Variants in RIC8B observed in about 807,000 individuals in gnomAD.
RIC8B encodes RIC8 guanine nucleotide exchange factor B.
A neutral mutation model predicts 57.5 loss-of-function variants in RIC8B; 16 were observed. The observed-to-expected ratio is 0.28, with a 90% CI of 0.19 to 0.42. RIC8B has a LOEUF of 0.42. Ranked by LOEUF, RIC8B falls within the 10% of genes least tolerant of loss-of-function variation. The pLI is 1.00. For missense variants in RIC8B, 481 were observed against 677.0 expected, an observed-to-expected ratio of 0.71 and a Z score of 3.21; for synonymous variants, 216 against 250.8, an observed-to-expected ratio of 0.86 and a Z score of 1.31.
At chr12:106,831,787 G>A (rs927534860) in intron 4 of RIC8B, among the ~76,000 whole-genome samples, 6 of 152,138 alleles carry the variant, frequency 3.9e-5, no homozygotes, top group Admixed American at 1.3e-4. Context: ...CTCTGGTTGC[G>A]TTGTATTGGA....
At chr12:106,812,207 A>G (rs1279303997) in intron 2 of RIC8B, among the ~76,000 whole-genome samples, 1 of 152,186 alleles carries the variant, frequency 6.6e-6, no homozygotes, top group African/African-American at 2.4e-5. Context: ...CTATGATTAA[A>G]AACTGTGCAA....
intron 3 of RIC8B, among the ~76,000 whole-genome samples, chr12:106,818,974 C>T (rs1020880134): frequency 1.3e-5 from 2 of 152,152 alleles, no homozygotes; most frequent in African/African-American, 4.8e-5. Flanking sequence ...CCATGTTGGT[C>T]AGGCTGGTCT....
chr12:106,815,016 C>G lies in RIC8B; in HGVS notation c.453C>G (p.Cys151Trp). The G allele has an allele frequency of 1.9e-6, 3 of 1,614,196 alleles. No homozygotes were observed. Among genetic ancestry groups the G allele is most frequent in the Non-Finnish European group, 2.5e-6 (3 of 1,180,024 alleles). Residue 151 changes from cysteine to tryptophan, a missense_variant, in exon 3 of 10, where the codon TGC becomes TGG. Physicochemically the swap from Cys to Trp is radical, Grantham distance 215. Around this residue, in one of 3 missense-constraint regions of RIC8B, gnomAD observed 421 missense variants for 560.9 expected, o/e 0.75. Transcript: ENST00000392837. ...AAKLCNLLRK[C>W]KDRKFINDIK... ...AGCTCTGTAACCTCCTGAGAAAGTG[C>G]AAGGACCGGAAATTTATCAATGACA...
At chr12:106,856,098 C>G in intron 7 of RIC8B, among the ~76,000 whole-genome samples, 1 of 152,242 alleles carries the variant, frequency 6.6e-6, no homozygotes, top group South Asian at 2.1e-4. Flanking sequence ...GATTTTACCT[C>G]CTGTTAAATA....
chr12:106,775,102 G>A (rs192529834), intron 1 of RIC8B, among the ~76,000 whole-genome samples: 11 of 152,266 alleles, frequency 7.2e-5, no homozygotes, highest in African/African-American at 2.6e-4. Flanking sequence ...TCACACCCCC[G>A]GAATCCGTAG....
intron 8 of RIC8B, among the ~76,000 whole-genome samples, chr12:106,865,701 T>C (rs1475176780): frequency 2.0e-5 from 3 of 152,186 alleles, no homozygotes; most frequent in Non-Finnish European, 1.5e-5. Context: ...GTCTTGTTGC[T>C]TCTACCTTTG....
rs758690591 is a variant in RIC8B, at chr12:106,803,214, T to TAAAAAAAA, written c.133-11482_133-11481insAAAAAAAA. On this transcript the variant is annotated intron_variant, in intron 2 of 9. Coordinates refer to ENST00000392837, the MANE Select transcript of RIC8B (RefSeq NM_001330145.2). The stretch of plus-strand genomic sequence containing the variant: ...GTGACAAGAGTGATGATACCCTGTC[T>TAAAAAAAA]CAAAAAAAAAAAAAAAAAAAAAAAG... Among the ~76,000 whole-genome samples the TAAAAAAAA allele has an allele frequency of 4.3e-3, 365 of 84,194 alleles. 30 individuals are homozygous for TAAAAAAAA. Among genetic ancestry groups the TAAAAAAAA allele is most frequent in the South Asian group, 0.011 (24 of 2,232 alleles). The allele number at this position is 84,194 out of a possible 152,430, so 55.2% of individuals were successfully genotyped here.
chr12:106,815,447 A>G (rs914542875), intron 3 of RIC8B, 143 bp downstream of exon 3: 3 of 795,974 alleles, frequency 3.8e-6, no homozygotes, highest in Non-Finnish European at 5.9e-6. Context: ...TACCCAGGAT[A>G]TACTTCTTAA....
intron 4 of RIC8B, among the ~76,000 whole-genome samples, chr12:106,835,904 C>T (rs1170857674): frequency 6.6e-6 from 1 of 152,154 alleles, no homozygotes; most frequent in East Asian, 1.9e-4. Flanking sequence ...TGAAGCTTCC[C>T]CACCTGTTGC....
At chr12:106,803,088 T>C (rs1445335541) in intron 2 of RIC8B, among the ~76,000 whole-genome samples, 1 of 151,768 alleles carries the variant, frequency 6.6e-6, no homozygotes, top group Non-Finnish European at 1.5e-5. Context: ...TAATTGGACC[T>C]CTATTCCTAG....
chr12:106,859,683 G>A (rs746970347), intron 7 of RIC8B, among the ~76,000 whole-genome samples: 1 of 152,104 alleles, frequency 6.6e-6, no homozygotes, highest in Non-Finnish European at 1.5e-5. Flanking sequence ...AATCCAGCCA[G>A]TCTAACTCCT....
intron 3 of RIC8B, chr12:106,822,914 T>C (rs991082389): frequency 1.3e-5 from 2 of 153,358 alleles, no homozygotes; most frequent in Non-Finnish European, 2.9e-5. Context: ...TACTAACCTG[T>C]GACATTAACA....
rs532496067 is a variant in RIC8B, at chr12:106,788,432, C to T, written c.132+4388C>T. Among the ~76,000 whole-genome samples, 7 of 152,302 alleles carry T rather than the reference C, an allele frequency of 4.6e-5. No homozygotes were observed. The South Asian group carries it at 6.2e-4, about 14-fold the overall frequency. The stretch of plus-strand genomic sequence containing the variant: ...CTAGGCGGTGCCCCAGTAGGGACTC[C>T]GTGTGGGGGCTCTGAAGCCACATTT... On this transcript the variant is annotated intron_variant, in intron 2 of 9. Coordinates refer to ENST00000392837, the MANE Select transcript of RIC8B (RefSeq NM_001330145.2).
At chr12:106,842,546 T>G in intron 4 of RIC8B, 43 bp from the exon 5 acceptor site, 1 of 1,459,116 alleles carries the variant, frequency 6.9e-7, no homozygotes, top group East Asian at 2.3e-5. Flanking sequence ...TAAAGGACTA[T>G]TCAATCAAGT....
intron 6 of RIC8B, among the ~76,000 whole-genome samples, chr12:106,849,697 T>C (rs1471944396): frequency 6.6e-6 from 1 of 152,160 alleles, no homozygotes; most frequent in Admixed American, 6.5e-5. Flanking sequence ...TGCTCTGTAA[T>C]CAGTCTGTAA....
chr12:106,824,011 G>A lies in RIC8B; in HGVS notation c.742-1715G>A, dbSNP rs376826015. On this transcript the variant is annotated intron_variant, in intron 3 of 9. Coordinates refer to ENST00000392837, the MANE Select transcript of RIC8B (RefSeq NM_001330145.2). ...CGTATGAGAGAATTTTTATTCAGGC[G>A]TTTGAGATGGATAGTGAATGGGACA... 3.3e-5 allele frequency among the ~76,000 whole-genome samples: 5 copies of A among 152,166 alleles called. No homozygotes were observed. The East Asian group carries it at 9.6e-4, about 29-fold the overall frequency.
At chr12:106,857,390 T>C (rs1949754313) in intron 7 of RIC8B, among the ~76,000 whole-genome samples, 1 of 152,190 alleles carries the variant, frequency 6.6e-6, no homozygotes, top group Non-Finnish European at 1.5e-5. Context: ...GTATTGCTTT[T>C]ATTTTAGAGT....
At position 106,813,487 on chromosome 12, in the gene RIC8B, G is replaced by A. The variant is rs150589103; in HGVS notation, c.133-1209G>A. Among the ~76,000 whole-genome samples, 983 of 152,220 alleles carry A rather than the reference G, an allele frequency of 6.5e-3. 5 individuals are homozygous for A. Among genetic ancestry groups the A allele is most frequent in the African/African-American group, 0.023 (948 of 41,526 alleles). On this transcript the variant is annotated intron_variant, in intron 2 of 9. Transcript: ENST00000392837. ...TTACAGGCGTGAGCCACTGCGTCCA[G>A]CCTTCTATACCATTTTATATAAGAG...
At chr12:106,798,980 T>A (rs1039419849) in intron 2 of RIC8B, among the ~76,000 whole-genome samples, 1 of 152,256 alleles carries the variant, frequency 6.6e-6, no homozygotes, top group African/African-American at 2.4e-5. Flanking sequence ...TAACTCAAAA[T>A]AGACATCTTG....
Sources: allele counts gnomAD v4.1 joint callset (sites outside exome capture counted in the v4.1 genomes callset), GRCh38; gene constraint gnomAD v4.1.1; regional missense constraint gnomAD v4.1.1; transcripts MANE v1.5; gene names NCBI Gene and HGNC (gene_info 2026-07-23, HGNC 2026-07-21).